The following C1orf21 variants were observed in gnomAD, a reference collection of about 807,000 sequenced individuals.
The protein encoded by C1orf21 is uncharacterized protein C1orf21.
In C1orf21, 3 loss-of-function variants were observed where a neutral mutation model predicts 18.7. That is an observed-to-expected ratio of 0.16 (90% CI 0.07 to 0.42). The LOEUF is 0.42. C1orf21 is among the 10% of genes least tolerant of loss of function. The pLI is 0.99. For missense variants in C1orf21, 104 were observed against 143.6 expected, an observed-to-expected ratio of 0.72 and a Z score of 1.41; for synonymous variants, 41 against 46.4, an observed-to-expected ratio of 0.88 and a Z score of 0.47.
intron 5 of C1orf21, among the ~76,000 whole-genome samples, chr1:184,616,341 G>A (rs1659823582): frequency 6.6e-6 from 1 of 152,252 alleles, no homozygotes. Flanking sequence ...GCTTCTCTGA[G>A]CTTCCCCCGC....
At chr1:184,538,350 A>G (rs1658592268) in intron 3 of C1orf21, among the ~76,000 whole-genome samples, 1 of 152,170 alleles carries the variant, frequency 6.6e-6, no homozygotes, top group Non-Finnish European at 1.5e-5. Context: ...GGAATTCTAT[A>G]TATATTTTGA....
chr1:184,402,608 C>A (rs1656174064), intron 1 of C1orf21, among the ~76,000 whole-genome samples: 1 of 138,964 alleles, frequency 7.2e-6, no homozygotes. Flanking sequence ...CAGAGCAAGA[C>A]CCTGTCTCAA....
intron 1 of C1orf21, among the ~76,000 whole-genome samples, chr1:184,415,759 A>G (rs1656439677): frequency 6.6e-6 from 1 of 152,162 alleles, no homozygotes; most frequent in Non-Finnish European, 1.5e-5. Context: ...AGGCCTACTT[A>G]TGGCAAATTG....
intron 3 of C1orf21, among the ~76,000 whole-genome samples, chr1:184,578,053 T>C (rs1427869791): frequency 6.8e-6 from 1 of 147,200 alleles, no homozygotes; most frequent in African/African-American, 2.5e-5. Context: ...ACCTCCGGGG[T>C]TCAAGCAATT....
At chr1:184,408,001 C>T (rs1299640673) in intron 1 of C1orf21, among the ~76,000 whole-genome samples, 1 of 152,134 alleles carries the variant, frequency 6.6e-6, no homozygotes, top group East Asian at 1.9e-4. Context: ...CCTAACCTTC[C>T]ACATCAGGGT....
chr1:184,539,810 A>G (rs1179845569), intron 3 of C1orf21, among the ~76,000 whole-genome samples: 1 of 152,146 alleles, frequency 6.6e-6, no homozygotes, highest in East Asian at 1.9e-4. Context: ...AGTGGAGGGG[A>G]TATGTGTCAC....
chr1:184,550,240 A>G (rs1423210590), intron 3 of C1orf21, among the ~76,000 whole-genome samples: 6 of 152,264 alleles, frequency 3.9e-5, no homozygotes, highest in Admixed American at 2.6e-4. Flanking sequence ...GAACGCATGT[A>G]GTGCTAGATG....
chr1:184,605,835 T>A (rs979261369), intron 5 of C1orf21, among the ~76,000 whole-genome samples: 1 of 152,230 alleles, frequency 6.6e-6, no homozygotes, highest in Non-Finnish European at 1.5e-5. Flanking sequence ...GCTCTGTAAT[T>A]GGTAGCCTTC....
intron 3 of C1orf21, chr1:184,567,435 C>T: frequency 1.9e-6 from 1 of 539,528 alleles, no homozygotes. Context: ...TGCATCTCTC[C>T]AGATGCCTTT....
At chr1:184,516,953 G>A (rs965513942) in intron 3 of C1orf21, among the ~76,000 whole-genome samples, 1 of 152,204 alleles carries the variant, frequency 6.6e-6, no homozygotes, top group Non-Finnish European at 1.5e-5. Context: ...ACTGGGAAGT[G>A]GCCCTGATCC....
At chr1:184,433,655 A>G (rs1461804245) in intron 1 of C1orf21, among the ~76,000 whole-genome samples, 2 of 152,200 alleles carry the variant, frequency 1.3e-5, no homozygotes, top group African/African-American at 2.4e-5. Context: ...AGATAAGGTT[A>G]GTTTTAACAA....
intron 3 of C1orf21, among the ~76,000 whole-genome samples, chr1:184,585,956 C>T (rs560802606): frequency 5.9e-5 from 9 of 152,204 alleles, no homozygotes; most frequent in African/African-American, 1.2e-4. Context: ...TATGATAGAA[C>T]GATTTATATT....
chr1:184,465,127 T>G (rs1460050326), intron 1 of C1orf21, among the ~76,000 whole-genome samples: 1 of 152,138 alleles, frequency 6.6e-6, no homozygotes, highest in East Asian at 1.9e-4. Flanking sequence ...AGCTTGAAAA[T>G]CCAGGTATAT....
chr1:184,567,507 T>C (rs973137036), intron 3 of C1orf21: 3 of 535,520 alleles, frequency 5.6e-6, no homozygotes, highest in Non-Finnish European at 1.1e-5. Context: ...CTGAGTGCAG[T>C]GAACTCTAAC....
intron 1 of C1orf21, among the ~76,000 whole-genome samples, chr1:184,406,636 G>A (rs1171105919): frequency 6.6e-6 from 1 of 152,152 alleles, no homozygotes; most frequent in Non-Finnish European, 1.5e-5. Flanking sequence ...ATTCAGGAAG[G>A]ACTGGAGCCT....
intron 3 of C1orf21, among the ~76,000 whole-genome samples, chr1:184,511,737 G>A (rs188679535): frequency 6.6e-6 from 1 of 152,150 alleles, no homozygotes; most frequent in African/African-American, 2.4e-5. Flanking sequence ...CCGCATGGCT[G>A]GGGAGGCCTC....
intron 1 of C1orf21, among the ~76,000 whole-genome samples, chr1:184,394,060 A>T (rs532829110): frequency 1.5e-3 from 226 of 152,326 alleles, no homozygotes; most frequent in African/African-American, 5.3e-3. Flanking sequence ...GTGGGGAAAA[A>T]AGTAAACTGA....
At chr1:184,554,331 G>C (rs1314065706) in intron 3 of C1orf21, among the ~76,000 whole-genome samples, 4 of 152,158 alleles carry the variant, frequency 2.6e-5, no homozygotes, top group Admixed American at 1.3e-4. Context: ...TAGGTCTCAG[G>C]CATTCCCCTG....
At chr1:184,616,690 T>G (rs1659829092) in intron 5 of C1orf21, among the ~76,000 whole-genome samples, 1 of 148,862 alleles carries the variant, frequency 6.7e-6, no homozygotes, top group Non-Finnish European at 1.5e-5. Flanking sequence ...GTGTGTGTGC[T>G]TGTGTGTGCA....
Sources: gnomAD v4.1 joint callset for allele counts (sites outside exome capture counted in the v4.1 genomes callset) on GRCh38, gnomAD v4.1.1 for gene constraint, MANE v1.5 for transcripts, NCBI Gene and HGNC (gene_info 2026-07-23, HGNC 2026-07-21) for gene names.